The following IDE variants were observed in gnomAD, a reference collection of about 807,000 sequenced individuals.
The protein encoded by IDE is insulin degrading enzyme.
IDE carries 58 observed loss-of-function variants against 133.2 expected under a neutral mutation model. The ratio of observed to expected loss-of-function variants is 0.44; its 90% CI spans 0.35 to 0.54. The LOEUF (loss-of-function observed/expected upper bound fraction) is 0.54. Among genes scored for constraint, IDE ranks in the 20% least tolerant of loss-of-function variants. IDE has a pLI of 0.00. For missense variants in IDE, 981 were observed against 1,234.0 expected (o/e 0.79, Z 3.07); for synonymous variants, 396 against 421.3 (o/e 0.94, Z 0.73).
intron 1 of IDE, among the ~76,000 whole-genome samples, chr10:92,563,207 C>T (rs901156478): frequency 1.3e-5 from 2 of 152,076 alleles, no homozygotes; most frequent in Non-Finnish European, 2.9e-5. Flanking sequence ...GCCAAGACCA[C>T]ATCATTGCAC....
At chr10:92,572,909 A>G (rs541214526) in intron 1 of IDE, 1 of 984,700 alleles carries the variant, frequency 1.0e-6, no homozygotes, top group Non-Finnish European at 1.2e-6. Context: ...CCTCATCAAC[A>G]CACCCTTGTA....
At chr10:92,479,631 A>G in intron 14 of IDE, 1 of 404,634 alleles carries the variant, frequency 2.5e-6, no homozygotes, top group Non-Finnish European at 4.5e-6. Flanking sequence ...GTGTGTGTGC[A>G]TGCGTGCGTG....
chr10:92,556,499 C>T (rs962321925), intron 1 of IDE, among the ~76,000 whole-genome samples: 2 of 151,880 alleles, frequency 1.3e-5, no homozygotes, highest in African/African-American at 2.4e-5. Flanking sequence ...TGGCTCACCC[C>T]TATAATCCCA....
intron 11 of IDE, among the ~76,000 whole-genome samples, chr10:92,498,795 G>A (rs895256109): frequency 6.6e-6 from 1 of 151,842 alleles, no homozygotes; most frequent in African/African-American, 2.4e-5. Context: ...CATGGTGGCG[G>A]GTGCATGTTA....
chr10:92,516,544 G>C (rs534865242), intron 4 of IDE, among the ~76,000 whole-genome samples: 1 of 152,146 alleles, frequency 6.6e-6, no homozygotes, highest in East Asian at 1.9e-4. Flanking sequence ...ATCCCTATGA[G>C]ATAGTAGGTA....
chr10:92,463,358 TG>T (rs1435325563), intron 21 of IDE, among the ~76,000 whole-genome samples: 1 of 152,248 alleles, frequency 6.6e-6, no homozygotes, highest in African/African-American at 2.4e-5. Context: ...GGGCAGCATT[TG>T]CCTCAAAGGG....
chr10:92,542,970 C>T (rs1842380330), intron 1 of IDE, among the ~76,000 whole-genome samples: 1 of 152,196 alleles, frequency 6.6e-6, no homozygotes, highest in Non-Finnish European at 1.5e-5. Flanking sequence ...TCTCATCTCT[C>T]TTTAAAGTGT....
At chr10:92,550,615 C>A (rs1842734090) in intron 1 of IDE, among the ~76,000 whole-genome samples, 1 of 136,038 alleles carries the variant, frequency 7.4e-6, no homozygotes, top group Non-Finnish European at 1.5e-5. Context: ...AGCGCCACTA[C>A]ACTCCAGCCT....
chr10:92,490,364 C>A, intron 12 of IDE, 129 bp downstream of exon 12: 1 of 684,584 alleles, frequency 1.5e-6, no homozygotes, highest in Admixed American at 2.4e-5. Flanking sequence ...GTTGATTTCT[C>A]TTAGGATGGT....
chr10:92,534,556 T>C, intron 3 of IDE, 22 bp downstream of exon 3: 1 of 1,406,392 alleles, frequency 7.1e-7, no homozygotes, highest in Non-Finnish European at 1.0e-6. Context: ...AGTTGGATAA[T>C]TCATAGGGTA....
At chr10:92,536,004 C>A (rs1406651687) in intron 2 of IDE, among the ~76,000 whole-genome samples, 1 of 151,708 alleles carries the variant, frequency 6.6e-6, no homozygotes, top group Non-Finnish European at 1.5e-5. Flanking sequence ...CCACTGCACT[C>A]CAGCCTCGGC....
At chr10:92,479,654 C>A (rs1437456325) in intron 14 of IDE, 1 of 390,832 alleles carries the variant, frequency 2.6e-6, no homozygotes, top group Non-Finnish European at 4.7e-6. Flanking sequence ...TGCGTGCGCA[C>A]TGGTAGTAGT....
At chr10:92,564,908 T>C (rs1232514810) in intron 1 of IDE, among the ~76,000 whole-genome samples, 3 of 151,530 alleles carry the variant, frequency 2.0e-5, no homozygotes, top group Non-Finnish European at 4.4e-5. Context: ...ATAAAATAGC[T>C]GGGCATAACA....
At chr10:92,509,939 A>AAAC in intron 6 of IDE, 111 bp downstream of exon 6, 2 of 548,344 alleles carry the variant, frequency 3.6e-6, no homozygotes. Flanking sequence ...AAAAAAAAAA[A>AAAC]CACAACATAA....
chr10:92,484,074 G>C (rs1309066258), intron 13 of IDE, among the ~76,000 whole-genome samples: 1 of 152,158 alleles, frequency 6.6e-6, no homozygotes, highest in Non-Finnish European at 1.5e-5. Flanking sequence ...CCCTGAGCCA[G>C]AACTACCCAA....
intron 6 of IDE, 25 bp from the exon 7 acceptor site, chr10:92,508,915 T>G (rs748668251): frequency 6.3e-7 from 1 of 1,577,890 alleles, no homozygotes; most frequent in Non-Finnish European, 8.7e-7. Flanking sequence ...TCACAGAGAT[T>G]AGCTATATAC....
intron 4 of IDE, among the ~76,000 whole-genome samples, chr10:92,530,547 A>G (rs185060537): frequency 1.6e-4 from 24 of 152,264 alleles, no homozygotes; most frequent in Admixed American, 1.6e-3. Flanking sequence ...TTGGTCTTCT[A>G]AAGTGTTGCA....
intron 21 of IDE, among the ~76,000 whole-genome samples, chr10:92,462,099 C>T (rs1310782618): frequency 5.3e-5 from 8 of 151,746 alleles, no homozygotes; most frequent in African/African-American, 1.9e-4. Context: ...GTGGATCACT[C>T]GAGGCCAGAA....
chr10:92,476,457 G>C (rs777375886), intron 15 of IDE, among the ~76,000 whole-genome samples: 2 of 152,038 alleles, frequency 1.3e-5, no homozygotes, highest in Non-Finnish European at 2.9e-5. Context: ...TTACAGGTGT[G>C]AGCCACCATG....
Sources: allele counts gnomAD v4.1 joint callset (sites outside exome capture counted in the v4.1 genomes callset), GRCh38; gene constraint gnomAD v4.1.1; transcripts MANE v1.5; gene names NCBI Gene and HGNC (gene_info 2026-07-23, HGNC 2026-07-21).